The following LUZP2 variants were observed in gnomAD, a reference collection of about 807,000 sequenced individuals.
The protein encoded by LUZP2 is leucine zipper protein 2.
LUZP2 carries 52 observed loss-of-function variants against 51.6 expected under a neutral mutation model. The observed-to-expected ratio is 1.01, with a 90% CI of 0.81 to 1.27. The LOEUF (loss-of-function observed/expected upper bound fraction) is 1.27. LUZP2 is among the 50% of genes most tolerant of loss of function. LUZP2 has a pLI of 0.00. For missense variants in LUZP2, 436 were observed against 395.4 expected (o/e 1.10, Z -0.87); for synonymous variants, 154 against 137.3 (o/e 1.12, Z -0.85).
chr11:24,915,686 A>G (rs1192075964), intron 7 of LUZP2, among the ~76,000 whole-genome samples: 1 of 151,810 alleles, frequency 6.6e-6, no homozygotes, highest in African/African-American at 2.4e-5. Context: ...AGATAGATGG[A>G]TAGATAGATA....
At chr11:24,660,099 G>T (rs567810960) in intron 1 of LUZP2, among the ~76,000 whole-genome samples, 1 of 152,242 alleles carries the variant, frequency 6.6e-6, no homozygotes, top group East Asian at 1.9e-4. Context: ...CAGCCTTAAA[G>T]AAGGAAGCGA....
chr11:24,778,903 C>T (rs1486517431), intron 5 of LUZP2, among the ~76,000 whole-genome samples: 2 of 152,118 alleles, frequency 1.3e-5, no homozygotes, highest in Non-Finnish European at 2.9e-5. Context: ...CAACTGATAA[C>T]ATCAGTAATA....
chr11:24,807,308 A>G (rs1849884273), intron 5 of LUZP2, among the ~76,000 whole-genome samples: 2 of 151,926 alleles, frequency 1.3e-5, no homozygotes, highest in Admixed American at 1.3e-4. Context: ...TACTAAAAAT[A>G]CAAATTAGCC....
chr11:25,006,040 T>C (rs925589331), intron 9 of LUZP2, among the ~76,000 whole-genome samples: 2 of 152,124 alleles, frequency 1.3e-5, no homozygotes, highest in African/African-American at 4.8e-5. Flanking sequence ...AGGATACAAT[T>C]TCTGAGGCTC....
At chr11:24,580,811 T>C (rs1852826114) in intron 1 of LUZP2, among the ~76,000 whole-genome samples, 1 of 152,172 alleles carries the variant, frequency 6.6e-6, no homozygotes, top group Non-Finnish European at 1.5e-5. Flanking sequence ...ATACTATATG[T>C]CATTAATAAG....
chr11:24,835,272 C>T (rs1850829636), intron 5 of LUZP2, among the ~76,000 whole-genome samples: 1 of 152,120 alleles, frequency 6.6e-6, no homozygotes, highest in South Asian at 2.1e-4. Flanking sequence ...AAAACAGAAA[C>T]TGGACCCTTT....
chr11:24,625,335 GT>G (rs1451520577), intron 1 of LUZP2, among the ~76,000 whole-genome samples: 1 of 119,582 alleles, frequency 8.4e-6, no homozygotes, highest in African/African-American at 3.9e-5. Context: ...GATTTTATGT[GT>G]TCTCATTTCA....
intron 1 of LUZP2, among the ~76,000 whole-genome samples, chr11:24,674,320 A>T (rs1490362398): frequency 6.6e-6 from 1 of 152,122 alleles, no homozygotes; most frequent in Non-Finnish European, 1.5e-5. Flanking sequence ...TAGCCCCGAC[A>T]TCTCTTTCAT....
At chr11:24,567,904 A>C (rs1321161487) in intron 1 of LUZP2, among the ~76,000 whole-genome samples, 1 of 152,094 alleles carries the variant, frequency 6.6e-6, no homozygotes, top group Non-Finnish European at 1.5e-5. Context: ...ACACAAAAGA[A>C]CACTGGTAAG....
chr11:24,595,908 A>G (rs1853429951), intron 1 of LUZP2, among the ~76,000 whole-genome samples: 1 of 152,194 alleles, frequency 6.6e-6, no homozygotes, highest in African/African-American at 2.4e-5. Flanking sequence ...AGTCAATTTG[A>G]TAAGTTTAAT....
At chr11:24,659,250 G>A (rs1354631805) in intron 1 of LUZP2, among the ~76,000 whole-genome samples, 1 of 152,152 alleles carries the variant, frequency 6.6e-6, no homozygotes, top group East Asian at 1.9e-4. Context: ...CATAAAAAAT[G>A]ATGAGTTCAT....
Position 25,078,717 on chromosome 11 carries a change from C to A in LUZP2, c.*59C>A. ...CTATTGTCTTCATATTCTTTTTAGA[C>A]CACAAGCTTGATGGAAATACTGTTT... On this transcript the variant is annotated 3_prime_UTR_variant, in exon 12 of 12. Transcript: ENST00000336930. The A allele has an allele frequency of 3.1e-6, 4 of 1,271,672 alleles. No homozygotes were observed. The highest frequency in any genetic ancestry group is 4.5e-6 in the Non-Finnish European group (4 of 897,660). The allele number at this position is 1,271,672 out of a possible 1,614,324, so 78.8% of individuals were successfully genotyped here.
chr11:24,831,953 G>A (rs1389620136), intron 5 of LUZP2: 1 of 152,428 alleles, frequency 6.6e-6, no homozygotes, highest in Admixed American at 6.6e-5. Context: ...GTCTCCATGA[G>A]GACCATGTCA....
intron 5 of LUZP2, among the ~76,000 whole-genome samples, chr11:24,833,551 C>G (rs1195035322): frequency 1.3e-5 from 2 of 152,122 alleles, no homozygotes; most frequent in African/African-American, 4.8e-5. Context: ...GGTAGGTTCT[C>G]AACCTTGGCT....
chr11:24,828,352 T>C (rs1246876521), intron 5 of LUZP2, among the ~76,000 whole-genome samples: 1 of 152,098 alleles, frequency 6.6e-6, no homozygotes, highest in African/African-American at 2.4e-5. Context: ...GAGCCTACTT[T>C]AGATAGTTTA....
At chr11:24,587,930 T>A (rs1853130835) in intron 1 of LUZP2, among the ~76,000 whole-genome samples, 1 of 152,086 alleles carries the variant, frequency 6.6e-6, no homozygotes, top group Non-Finnish European at 1.5e-5. Context: ...TTTATTTTCC[T>A]TTTAGAAAAT....
intron 1 of LUZP2, among the ~76,000 whole-genome samples, chr11:24,613,230 A>G (rs1430152746): frequency 2.0e-5 from 3 of 152,048 alleles, no homozygotes; most frequent in Non-Finnish European, 4.4e-5. Flanking sequence ...TCTATCTGAC[A>G]TAGAGGTGAT....
chr11:24,775,882 C>T (rs79667828), intron 5 of LUZP2, among the ~76,000 whole-genome samples: 6,556 of 152,152 alleles, frequency 0.043, 207 homozygotes, highest in Middle Eastern at 0.089. Flanking sequence ...TAATTTAGTA[C>T]AAGAGAAAAC....
At chr11:24,962,124 G>A (rs1167181297) in intron 7 of LUZP2, among the ~76,000 whole-genome samples, 1 of 152,120 alleles carries the variant, frequency 6.6e-6, no homozygotes, top group African/African-American at 2.4e-5. Context: ...TCTCCTGTTA[G>A]TCTGATGGGC....
Sources: gnomAD v4.1 joint callset for allele counts (sites outside exome capture counted in the v4.1 genomes callset) on GRCh38, gnomAD v4.1.1 for gene constraint, MANE v1.5 for transcripts, NCBI Gene and HGNC (gene_info 2026-07-23, HGNC 2026-07-21) for gene names.